The following YWHAQ variants were observed in gnomAD, a reference collection of about 807,000 sequenced individuals.
The protein encoded by YWHAQ is tyrosine 3-monooxygenase/tryptophan 5-monooxygenase activation protein theta, also known as 14-3-3 protein theta.
YWHAQ carries 6 observed loss-of-function variants against 28.3 expected under a neutral mutation model. That is an observed-to-expected ratio of 0.21 (90% confidence interval 0.12 to 0.42). The LOEUF (loss-of-function observed/expected upper bound fraction) is 0.42. Among genes scored for constraint, YWHAQ ranks in the 10% least tolerant of loss-of-function variants. YWHAQ has a pLI of 1.00. For missense variants in YWHAQ, 201 were observed against 305.6 expected (o/e 0.66, Z 2.55); for synonymous variants, 143 against 119.1 (o/e 1.20, Z -1.31).
At chr2:9,592,103 T>C (rs1666468089) in intron 2 of YWHAQ, among the ~76,000 whole-genome samples, 1 of 152,118 alleles carries the variant, frequency 6.6e-6, no homozygotes, top group South Asian at 2.1e-4. Flanking sequence ...GGAAACAAAA[T>C]GTTTAAAACA....
intron 2 of YWHAQ, among the ~76,000 whole-genome samples, chr2:9,608,960 CA>C (rs1265425369): frequency 2.0e-5 from 3 of 152,032 alleles, no homozygotes; most frequent in African/African-American, 7.2e-5. Context: ...AACAAACAAA[CA>C]AACAAAAATA....
chr2:9,627,089 C>T (rs554064025), intron 2 of YWHAQ, among the ~76,000 whole-genome samples: 5 of 152,306 alleles, frequency 3.3e-5, no homozygotes, highest in African/African-American at 9.6e-5. Context: ...TAGTTCTTTA[C>T]TCTTGGATTT....
rs779927922 is a variant in YWHAQ, at chr2:9,630,468, G to A, written c.-16C>T. ...TCTTCTCCATGGCGGGCGCGGGGCC[G>A]GGGCCGGGGCGGAGGGCGAGGAGAG... is the stretch of plus-strand genomic sequence containing the variant. On this transcript the variant is annotated 5_prime_UTR_variant, in exon 2 of 6. Coordinates refer to ENST00000238081, the MANE Select transcript of YWHAQ (RefSeq NM_006826.4). This position sits in a 1 kb window ranked among gnomAD's most constrained non-coding sequence, Gnocchi z 5.6. The A allele has an allele frequency of 4.4e-6, 7 of 1,577,828 alleles. No individual in the cohort carries two copies. In the South Asian group the frequency reaches 6.8e-5, roughly 15 times the overall value.
intron 2 of YWHAQ, among the ~76,000 whole-genome samples, chr2:9,613,558 AAGC>A (rs1212064437): frequency 6.6e-6 from 1 of 152,210 alleles, no homozygotes; most frequent in East Asian, 1.9e-4. Flanking sequence ...AGAGAAAGGG[AAGC>A]AGCAGATGAA....
intron 5 of YWHAQ, among the ~76,000 whole-genome samples, chr2:9,586,922 GACAA>G (rs879307674): frequency 4.0e-4 from 61 of 152,184 alleles, no homozygotes; most frequent in South Asian, 1.2e-3. Context: ...GGGAGAAAAA[GACAA>G]ACAAAACAGA....
chr2:9,589,693 A>G (rs1666420598), intron 3 of YWHAQ, among the ~76,000 whole-genome samples: 1 of 152,212 alleles, frequency 6.6e-6, no homozygotes, highest in East Asian at 1.9e-4. Flanking sequence ...TTGCAGAAAT[A>G]CTGATTCTTA....
intron 2 of YWHAQ, among the ~76,000 whole-genome samples, chr2:9,607,443 G>A (rs982002886): frequency 1.9e-4 from 29 of 150,038 alleles, no homozygotes; most frequent in Admixed American, 1.9e-3. Context: ...TCCTGACCTC[G>A]TGATCCACCC....
chr2:9,621,906 A>G (rs1191966167), intron 2 of YWHAQ, among the ~76,000 whole-genome samples: 2 of 152,202 alleles, frequency 1.3e-5, no homozygotes. Flanking sequence ...TGAAGCTGGA[A>G]ACCATCATTC....
At chr2:9,589,295 T>C (rs928904576) in intron 3 of YWHAQ, among the ~76,000 whole-genome samples, 1 of 152,148 alleles carries the variant, frequency 6.6e-6, no homozygotes, top group Non-Finnish European at 1.5e-5. Flanking sequence ...AAAAATAATT[T>C]GACTGGAATA....
At chr2:9,588,432 A>AT (rs903147610) in intron 3 of YWHAQ, 104 bp from the exon 4 acceptor site, 5 of 1,347,586 alleles carry the variant, frequency 3.7e-6, no homozygotes, top group Admixed American at 6.0e-5. Flanking sequence ...TAGAACCAAG[A>AT]TTTTTTCTCT....
chr2:9,619,848 G>A (rs900541614), intron 2 of YWHAQ, among the ~76,000 whole-genome samples: 3 of 152,152 alleles, frequency 2.0e-5, no homozygotes, highest in African/African-American at 7.2e-5. Context: ...TGAAAGATCA[G>A]AACACCTAGT....
intron 2 of YWHAQ, among the ~76,000 whole-genome samples, chr2:9,609,522 G>A (rs938416385): frequency 2.6e-5 from 4 of 152,014 alleles, no homozygotes; most frequent in Admixed American, 6.6e-5. Context: ...GATAATGGCC[G>A]AGACTTCCAG....
At chr2:9,628,488 G>A (rs1667291003) in intron 2 of YWHAQ, among the ~76,000 whole-genome samples, 2 of 152,196 alleles carry the variant, frequency 1.3e-5, no homozygotes, top group South Asian at 4.1e-4. Flanking sequence ...CACCTTGCTC[G>A]AGAACAAGAA....
rs762976369 is a variant in YWHAQ, at chr2:9,588,177, C to A, written c.570G>T (p.Thr190=). 1 of 1,558,662 alleles carries A rather than the reference C, an allele frequency of 6.4e-7. No individual in the cohort carries two copies. Among genetic ancestry groups the A allele is most frequent in the African/African-American group, 1.4e-5 (1 of 70,980 alleles). The change falls in exon 4 of 6, where the codon ACG becomes ACT. Residue 190 remains threonine (T), a synonymous_variant. Transcript: ENST00000238081. ...EILNNPELAC[T]LAKTAFDEAI... ...ACACACATCTTACCGTTTTAGCCAGCGTGCAGGCAAGCTCTGGGTTATTAA... is the reference window on the plus strand; with the variant it reads ...ACACACATCTTACCGTTTTAGCCAGAGTGCAGGCAAGCTCTGGGTTATTAA...
intron 2 of YWHAQ, among the ~76,000 whole-genome samples, chr2:9,598,391 T>C (rs887648306): frequency 2.0e-5 from 3 of 152,194 alleles, no homozygotes; most frequent in African/African-American, 7.2e-5. Flanking sequence ...TTAAGCCCAC[T>C]GTCCTAGCAG....
chr2:9,623,278 G>A lies in YWHAQ; in HGVS notation c.294+6881C>T, dbSNP rs918641781. Among the ~76,000 whole-genome samples the A allele has an allele frequency of 2.6e-5, 4 of 152,228 alleles. No homozygotes were observed. The East Asian group carries it at 7.7e-4, about 29-fold the overall frequency. On this transcript the variant is annotated intron_variant, in intron 2 of 5. Coordinates refer to ENST00000238081, the MANE Select transcript of YWHAQ (RefSeq NM_006826.4). ...TGTGCTGGAAAGGGTTAGGGGAAATGAATGACCTTCTCAACCACTGCTGAT... is the reference window on the plus strand; with the variant it reads ...TGTGCTGGAAAGGGTTAGGGGAAATAAATGACCTTCTCAACCACTGCTGAT...
At chr2:9,620,306 G>A (rs540101200) in intron 2 of YWHAQ, among the ~76,000 whole-genome samples, 1 of 152,102 alleles carries the variant, frequency 6.6e-6, no homozygotes, top group East Asian at 1.9e-4. Flanking sequence ...AACCCAACTG[G>A]ATACTGTAGT....
chr2:9,617,507 G>A (rs893994666), intron 2 of YWHAQ, among the ~76,000 whole-genome samples: 1 of 152,170 alleles, frequency 6.6e-6, no homozygotes, highest in Non-Finnish European at 1.5e-5. Flanking sequence ...AGTTTTGCAA[G>A]ATGAAGAGTT....
chr2:9,621,387 C>T (rs888155167), intron 2 of YWHAQ, among the ~76,000 whole-genome samples: 3 of 152,150 alleles, frequency 2.0e-5, no homozygotes, highest in Non-Finnish European at 4.4e-5. Context: ...AGGCTACACA[C>T]TATCTTCTTG....
Sources: gnomAD v4.1 joint callset for allele counts (sites outside exome capture counted in the v4.1 genomes callset) on GRCh38, gnomAD v4.1.1 for gene constraint, Gnocchi (gnomAD v3.1) non-coding constraint, MANE v1.5 for transcripts, NCBI Gene and HGNC (gene_info 2026-07-23, HGNC 2026-07-21) for gene names.